The following DCSTAMP variants were observed in gnomAD, a reference collection of about 807,000 sequenced individuals.
DCSTAMP encodes the protein dendritic cell-specific transmembrane protein.
DCSTAMP carries 25 observed loss-of-function variants against 33.8 expected under a neutral mutation model. The observed-to-expected ratio is 0.74, with a 90% CI of 0.54 to 1.03. The LOEUF (loss-of-function observed/expected upper bound fraction) is 1.03, where lower values mean the gene tolerates loss of function less well. Among genes scored for constraint, DCSTAMP ranks in the 50% least tolerant of loss-of-function variants. The pLI, the probability that DCSTAMP is intolerant of heterozygous loss-of-function variation, is 0.00. For missense variants in DCSTAMP, 531 were observed against 556.8 expected, an observed-to-expected ratio of 0.95 and a Z score of 0.47; for synonymous variants, 245 against 216.7, an observed-to-expected ratio of 1.13 and a Z score of -1.15.
chr8:104,349,484 C>T lies in DCSTAMP; in HGVS notation c.932C>T (p.Ala311Val). The change falls in exon 2 of 4, where the codon GCA becomes GTA. Residue 311 changes from alanine to valine, a missense_variant. Coordinates refer to ENST00000297581, the MANE Select transcript of DCSTAMP (RefSeq NM_030788.4). ...CATCTCTGCATCTGGGTGCTGTTTG[C>T]AGCTGTAGATTATCTGCTGTATCGG... is the stretch of plus-strand genomic sequence containing the variant. The part of the protein sequence containing the change: ...LIHLCIWVLF[A>V]AVDYLLYRLI... 6.2e-7 allele frequency: 1 copy of T among 1,614,190 alleles called. No individual in the cohort carries two copies. The highest frequency in any genetic ancestry group is 1.1e-5 in the South Asian group (1 of 91,086).
At chr8:104,353,635 C>T (rs1435647468) in intron 2 of DCSTAMP, among the ~76,000 whole-genome samples, 2 of 152,198 alleles carry the variant, frequency 1.3e-5, no homozygotes, top group African/African-American at 4.8e-5. Context: ...TTCGTTGCTT[C>T]GGCACAGTGC....
intron 1 of DCSTAMP, among the ~76,000 whole-genome samples, chr8:104,346,223 C>T (rs1326608740): frequency 6.6e-6 from 1 of 152,210 alleles, no homozygotes; most frequent in African/African-American, 2.4e-5. Flanking sequence ...AGGGAATTAT[C>T]ATCTTTTAGG....
intron 1 of DCSTAMP, among the ~76,000 whole-genome samples, chr8:104,346,981 T>C (rs1256106718): frequency 6.6e-6 from 1 of 152,254 alleles, no homozygotes; most frequent in East Asian, 1.9e-4. Context: ...AGAAGGGATT[T>C]ATTTGAGATT....
chr8:104,354,005 G>T (rs532687426), intron 2 of DCSTAMP, among the ~76,000 whole-genome samples: 1 of 152,322 alleles, frequency 6.6e-6, no homozygotes, highest in African/African-American at 2.4e-5. Context: ...AGAAAGAGCT[G>T]GATCAGCACA....
intron 2 of DCSTAMP, 62 bp downstream of exon 2, chr8:104,349,643 G>C (rs965851484): frequency 6.5e-7 from 1 of 1,535,266 alleles, no homozygotes; most frequent in Non-Finnish European, 8.7e-7. Flanking sequence ...TCTTGCAAAA[G>C]ATCATGAACC....
intron 1 of DCSTAMP, among the ~76,000 whole-genome samples, chr8:104,342,809 C>T (rs1418571613): frequency 1.3e-5 from 2 of 152,210 alleles, no homozygotes; most frequent in East Asian, 3.8e-4. Context: ...GGACCTCAGA[C>T]CAGGATGGGC....
At chr8:104,351,448 A>C (rs1810461537) in intron 2 of DCSTAMP, among the ~76,000 whole-genome samples, 1 of 152,224 alleles carries the variant, frequency 6.6e-6, no homozygotes, top group African/African-American at 2.4e-5. Context: ...AAAGAATTCA[A>C]GAGTGAGCTG....
Position 104,349,583 on chromosome 8 carries a change from T to A in DCSTAMP, c.1029+2T>A. The A allele has an allele frequency of 1.2e-6, 2 of 1,606,758 alleles. No homozygotes were observed. The highest frequency in any genetic ancestry group is 2.2e-5 in the South Asian group (2 of 89,452). ...GTTCACTTGAAACTGCACGGAGAGG[T>A]AGGGCCCACAGGTACTTCTCATGGT... On this transcript the variant is annotated splice_donor_variant, in intron 2 of 3. Coordinates refer to ENST00000297581, the MANE Select transcript of DCSTAMP (RefSeq NM_030788.4). LOFTEE classifies it high-confidence loss of function.
chr8:104,349,243 A>T lies in DCSTAMP; in HGVS notation c.691A>T (p.Met231Leu). 6.2e-7 allele frequency: 1 copy of T among 1,614,190 alleles called. No individual in the cohort carries two copies. The highest frequency in any genetic ancestry group is 8.5e-7 in the Non-Finnish European group (1 of 1,180,036). The change falls in exon 2 of 4, where the codon ATG becomes TTG. Residue 231 changes from methionine to leucine, a missense_variant. By Grantham distance (15) the Met-to-Leu change is conservative. Transcript: ENST00000297581. ...CGTCCTGCTTGGCACTGGCCTCTTCATGAAGCGATTTTTGGGCCCTTGTGG... is the reference window on the plus strand; with the variant it reads ...CGTCCTGCTTGGCACTGGCCTCTTCTTGAAGCGATTTTTGGGCCCTTGTGG... ...SLVLLGTGLFMKRFLGPCGWK... is the reference protein window; with the variant it reads ...SLVLLGTGLFLKRFLGPCGWK...
intron 2 of DCSTAMP, among the ~76,000 whole-genome samples, chr8:104,351,224 G>C (rs2514670): frequency 0.63 from 95,352 of 152,062 alleles, 31,031 homozygotes; most frequent in South Asian, 0.72. Context: ...ACATTTCAGA[G>C]GATCTGGATA....
intron 3 of DCSTAMP, 77 bp from the exon 4 acceptor site, chr8:104,356,047 A>C: frequency 7.6e-7 from 1 of 1,323,194 alleles, no homozygotes; most frequent in Non-Finnish European, 1.0e-6. Flanking sequence ...TTAACCCCAC[A>C]ATGAAAAATT....
chr8:104,340,864 C>T (rs570261774), intron 1 of DCSTAMP, among the ~76,000 whole-genome samples: 3 of 152,282 alleles, frequency 2.0e-5, no homozygotes, highest in South Asian at 2.1e-4. Context: ...CGCAGGGGAC[C>T]GGCAGGGCTG....
intron 1 of DCSTAMP, among the ~76,000 whole-genome samples, chr8:104,345,324 A>C (rs553021999): frequency 6.6e-6 from 1 of 152,174 alleles, no homozygotes; most frequent in Non-Finnish European, 1.5e-5. Context: ...ACAGAGAAGA[A>C]ATCAATGCCA....
intron 1 of DCSTAMP, among the ~76,000 whole-genome samples, chr8:104,347,908 C>T (rs1316851192): frequency 6.6e-6 from 1 of 152,120 alleles, no homozygotes; most frequent in Non-Finnish European, 1.5e-5. Flanking sequence ...AGCGTATTCA[C>T]AAGGGCTCTT....
chr8:104,346,361 C>A (rs1436073594), intron 1 of DCSTAMP, among the ~76,000 whole-genome samples: 3 of 152,228 alleles, frequency 2.0e-5, no homozygotes, highest in Non-Finnish European at 4.4e-5. Context: ...GCCCACCTGC[C>A]CGCAGTCCTC....
chr8:104,356,275 G>A lies in DCSTAMP; in HGVS notation c.*77G>A, dbSNP rs1006569406. 26 of 1,407,524 alleles carry A rather than the reference G, an allele frequency of 1.8e-5. No individual in the cohort carries two copies. The Admixed American group carries it at 1.9e-4, about 11-fold the overall frequency. The allele number at this position is 1,407,524 out of a possible 1,614,324, so 87.2% of individuals were successfully genotyped here. A position where few individuals can be genotyped will look rare whatever the true frequency, so the allele number is the denominator to read the frequency against. ...TAGGATGGCAGTCACTATTCATGCC[G>A]GATAATAGAGAACTATGTGACGCAG... is the stretch of plus-strand genomic sequence containing the variant. On this transcript the variant is annotated 3_prime_UTR_variant, in exon 4 of 4. Coordinates refer to ENST00000297581, the MANE Select transcript of DCSTAMP (RefSeq NM_030788.4).
intron 1 of DCSTAMP, among the ~76,000 whole-genome samples, chr8:104,344,238 C>CT (rs1380190327): frequency 7.2e-5 from 11 of 152,000 alleles, no homozygotes; most frequent in African/African-American, 2.2e-4. Flanking sequence ...ATTTATTTAA[C>CT]TTTAAGTAAT....
chr8:104,341,487 C>T (rs1564062607), intron 1 of DCSTAMP, among the ~76,000 whole-genome samples: 1 of 152,246 alleles, frequency 6.6e-6, no homozygotes, highest in South Asian at 2.1e-4. Context: ...AATGCTCCCA[C>T]TGACACTGAG....
In DCSTAMP at chr8:104,341,366, T is replaced by C. The variant is rs191648928; in HGVS notation, c.-13+1504T>C. Among the ~76,000 whole-genome samples, 20 of 152,312 alleles carry C rather than the reference T, an allele frequency of 1.3e-4. No individual in the cohort carries two copies. The East Asian group carries it at 3.7e-3, about 28-fold the overall frequency. On this transcript the variant is annotated intron_variant, in intron 1 of 3. Transcript: ENST00000297581. ...CTGCACCTTGAAAGTTGATCTGTGC[T>C]CAAAAGACAGTGCTCAGGAATGCCG...
Sources: allele counts gnomAD v4.1 joint callset (sites outside exome capture counted in the v4.1 genomes callset), GRCh38; gene constraint gnomAD v4.1.1; transcripts MANE v1.5; gene names NCBI Gene and HGNC (gene_info 2026-07-23, HGNC 2026-07-21).